PGPEP1L: variants seen among roughly 807,000 people sequenced by gnomAD.
The protein encoded by PGPEP1L is pyroglutamyl-peptidase 1-like protein.
In PGPEP1L, 7 loss-of-function variants were observed where a neutral mutation model predicts 6.0. The observed-to-expected ratio is 1.17, with a 90% CI of 0.66 to 2.19. PGPEP1L has a LOEUF of 2.19. Among genes scored for constraint, PGPEP1L ranks in the 30% most tolerant of loss-of-function variants. The pLI is 0.00. For synonymous variants in PGPEP1L, 103 were observed against 83.9 expected, an observed-to-expected ratio of 1.23 and a Z score of -1.24; for missense variants, 209 against 192.5, an observed-to-expected ratio of 1.09 and a Z score of -0.51.
rs11385185 is a variant in PGPEP1L, at chr15:98,977,003, CA to C, written c.-141-5846del. ...ACCCTAGAGAGGTCAAGTAAAATGG[CA>C]AAAAAAAAAAAAAAAAAACAAGTCT... On this transcript the variant is annotated intron_variant, in intron 2 of 4. Coordinates refer to ENST00000535714, the MANE Select transcript of PGPEP1L (RefSeq NM_001167902.2). 9.5e-3 allele frequency among the ~76,000 whole-genome samples: 1,221 copies of C among 128,842 alleles called. 10 individuals carry two copies. Among genetic ancestry groups the C allele is most frequent in the African/African-American group, 0.023 (778 of 34,130 alleles). 84.5% of individuals were successfully genotyped at this position (128,842 alleles called of 152,430 possible). A position where few individuals can be genotyped will look rare whatever the true frequency, so the allele number is the denominator to read the frequency against.
At chr15:98,978,666 G>C (rs963743568) in intron 2 of PGPEP1L, among the ~76,000 whole-genome samples, 8 of 149,352 alleles carry the variant, frequency 5.4e-5, no homozygotes, top group African/African-American at 2.0e-4. Context: ...GATTTCCAGG[G>C]CCCCACTTAT....
chr15:99,004,892 G>A (rs2018026757), intron 2 of PGPEP1L, among the ~76,000 whole-genome samples: 1 of 151,818 alleles, frequency 6.6e-6, no homozygotes, highest in Non-Finnish European at 1.5e-5. Context: ...AGGGTCTCCA[G>A]CTAGTGGCTC....
chr15:98,989,951 A>G (rs927008317), intron 2 of PGPEP1L, among the ~76,000 whole-genome samples: 1 of 152,212 alleles, frequency 6.6e-6, no homozygotes, highest in Non-Finnish European at 1.5e-5. Flanking sequence ...TGTCACCACC[A>G]GGCCTGCCTT....
At chr15:98,974,400 T>C (rs946775628) in intron 2 of PGPEP1L, among the ~76,000 whole-genome samples, 20 of 151,596 alleles carry the variant, frequency 1.3e-4, no homozygotes, top group Admixed American at 3.9e-4. Flanking sequence ...AAAATAAAAA[T>C]AAAATAAATT....
intron 2 of PGPEP1L, among the ~76,000 whole-genome samples, chr15:98,997,387 C>T (rs188332611): frequency 2.0e-5 from 3 of 152,178 alleles, no homozygotes; most frequent in African/African-American, 7.2e-5. Context: ...TCAGCTTGAC[C>T]AAAAAACTCA....
At chr15:98,997,780 C>G (rs536416874) in intron 2 of PGPEP1L, among the ~76,000 whole-genome samples, 153 of 152,228 alleles carry the variant, frequency 1.0e-3, no homozygotes, top group African/African-American at 3.4e-3. Flanking sequence ...GGGGAAATGA[C>G]TTTCCCCCGG....
chr15:98,982,700 C>CTTTT (rs369749842), intron 2 of PGPEP1L, among the ~76,000 whole-genome samples: 20 of 52,508 alleles, frequency 3.8e-4, no homozygotes, highest in East Asian at 5.5e-4. Context: ...TTATCTGAGG[C>CTTTT]TTTTTTTTTT....
At chr15:98,995,747 C>A (rs572460014) in intron 2 of PGPEP1L, among the ~76,000 whole-genome samples, 4 of 152,238 alleles carry the variant, frequency 2.6e-5, no homozygotes, top group Non-Finnish European at 5.9e-5. Context: ...GTTATGTAAC[C>A]ATTACTACAA....
intron 2 of PGPEP1L, among the ~76,000 whole-genome samples, chr15:98,974,207 T>C (rs2017536664): frequency 6.6e-6 from 1 of 151,762 alleles, no homozygotes; most frequent in Non-Finnish European, 1.5e-5. Flanking sequence ...CACGAACCCG[T>C]CTGTACTAAA....
intron 2 of PGPEP1L, among the ~76,000 whole-genome samples, chr15:98,994,532 G>A (rs1482074727): frequency 3.3e-5 from 5 of 152,094 alleles, no homozygotes; most frequent in African/African-American, 1.2e-4. Context: ...GCACGTGCCT[G>A]TAGTCCCAGC....
At chr15:98,989,971 C>G (rs1172009704) in intron 2 of PGPEP1L, among the ~76,000 whole-genome samples, 3 of 152,126 alleles carry the variant, frequency 2.0e-5, no homozygotes, top group African/African-American at 7.2e-5. Context: ...TACAAGAGCT[C>G]CTGAAGGAAG....
At chr15:98,997,283 TGA>T (rs1186705690) in intron 2 of PGPEP1L, among the ~76,000 whole-genome samples, 2 of 152,200 alleles carry the variant, frequency 1.3e-5, no homozygotes, top group Non-Finnish European at 2.9e-5. Flanking sequence ...ACTCAAGAGT[TGA>T]GAGTTTTCCT....
chr15:98,975,779 G>C (rs976909621), intron 2 of PGPEP1L, among the ~76,000 whole-genome samples: 1 of 152,170 alleles, frequency 6.6e-6, no homozygotes, highest in Admixed American at 6.5e-5. Flanking sequence ...TACTTGGGAG[G>C]CTGAGGCAGG....
chr15:98,995,874 G>A (rs560058262), intron 2 of PGPEP1L, among the ~76,000 whole-genome samples: 1 of 152,016 alleles, frequency 6.6e-6, no homozygotes, highest in East Asian at 1.9e-4. Context: ...TCCTCTTTTT[G>A]TCTCAATAGA....
intron 2 of PGPEP1L, among the ~76,000 whole-genome samples, chr15:98,990,700 C>T (rs2017807267): frequency 6.6e-6 from 1 of 152,104 alleles, no homozygotes; most frequent in Non-Finnish European, 1.5e-5. Flanking sequence ...TAAAATTGAC[C>T]ACATAATTGG....
chr15:98,977,297 TTTC>T (rs1217544776), intron 2 of PGPEP1L, among the ~76,000 whole-genome samples: 1 of 152,360 alleles, frequency 6.6e-6, no homozygotes, highest in East Asian at 1.9e-4. Flanking sequence ...GTTCTGTTAG[TTTC>T]TTAAGATAGA....
chr15:98,981,667 A>T (rs762945768), intron 2 of PGPEP1L, among the ~76,000 whole-genome samples: 38 of 152,266 alleles, frequency 2.5e-4, no homozygotes, highest in Middle Eastern at 3.4e-3. Flanking sequence ...ACCCAAATAG[A>T]CTATGGACTT....
At chr15:98,991,144 C>T (rs1489794747) in intron 2 of PGPEP1L, among the ~76,000 whole-genome samples, 2 of 151,600 alleles carry the variant, frequency 1.3e-5, no homozygotes, top group Non-Finnish European at 2.9e-5. Context: ...GCATGAAAAA[C>T]CCTTCAAAAA....
chr15:98,981,996 T>A (rs893192486), intron 2 of PGPEP1L, among the ~76,000 whole-genome samples: 1 of 152,236 alleles, frequency 6.6e-6, no homozygotes, highest in South Asian at 2.1e-4. Context: ...CATCTTGGTC[T>A]GGTTTTTCTG....
Sources: gnomAD v4.1 joint callset for allele counts (sites outside exome capture counted in the v4.1 genomes callset) on GRCh38, gnomAD v4.1.1 for gene constraint, MANE v1.5 for transcripts, NCBI Gene and HGNC (gene_info 2026-07-23, HGNC 2026-07-21) for gene names.